The following ATP8B1 variants were observed in gnomAD, a reference collection of about 807,000 sequenced individuals.
The protein encoded by ATP8B1 is ATPase phospholipid transporting 8B1, also known as phospholipid-transporting ATPase IC.
Under a neutral mutation model 149.9 loss-of-function variants are expected in ATP8B1, and 80 were observed. That is an observed-to-expected ratio of 0.53 (90% CI 0.45 to 0.64). The LOEUF (loss-of-function observed/expected upper bound fraction) is 0.64. ATP8B1 is among the 30% of genes least tolerant of loss of function. The probability of loss-of-function intolerance (pLI) is 0.00; values close to 1 mark genes in which losing one functional copy is unlikely to be tolerated. For missense variants in ATP8B1, 1,247 were observed against 1,552.6 expected, an observed-to-expected ratio of 0.80 and a Z score of 3.31; for synonymous variants, 536 against 562.8, an observed-to-expected ratio of 0.95 and a Z score of 0.67.
intron 1 of ATP8B1, among the ~76,000 whole-genome samples, chr18:57,750,524 A>G (rs41391546): frequency 0.032 from 4,842 of 152,294 alleles, 228 homozygotes; most frequent in African/African-American, 0.11. Context: ...ATATTCATCA[A>G]TGAAAAACTG....
At chr18:57,728,635 T>TA (rs2079730941) in intron 2 of ATP8B1, among the ~76,000 whole-genome samples, 1 of 151,962 alleles carries the variant, frequency 6.6e-6, no homozygotes, top group Non-Finnish European at 1.5e-5. Context: ...AGTCATTTGA[T>TA]ATGGGTTTTG....
In ATP8B1 at chr18:57,779,159, C is replaced by CA. The variant is rs550702998; in HGVS notation, c.-26+23838dup. 7.2e-5 allele frequency among the ~76,000 whole-genome samples: 11 copies of CA among 151,970 alleles called. No individual in the cohort carries two copies. In the East Asian group the frequency reaches 2.1e-3, roughly 29 times the overall value. ...GCAACATAGCAAAACCCCATCTCTACAAAAAATGCAAAAATTAGCTGGGCA... is the reference window on the plus strand; with the variant it reads ...GCAACATAGCAAAACCCCATCTCTACAAAAAAATGCAAAAATTAGCTGGGCA... On this transcript the variant is annotated intron_variant, in intron 1 of 27. Coordinates refer to ENST00000648908, the MANE Select transcript of ATP8B1 (RefSeq NM_001374385.1).
chr18:57,766,006 G>T (rs2080208502), intron 1 of ATP8B1, among the ~76,000 whole-genome samples: 1 of 151,732 alleles, frequency 6.6e-6, no homozygotes. Context: ...ATGGTAGATT[G>T]TATGTTGTGT....
intron 15 of ATP8B1, among the ~76,000 whole-genome samples, chr18:57,680,980 C>A (rs1465291761): frequency 6.6e-6 from 1 of 152,164 alleles, no homozygotes; most frequent in Admixed American, 6.5e-5. Context: ...GCTGTACATT[C>A]ACTTTCTCCC....
At position 57,673,254 on chromosome 18, in the gene ATP8B1, T is replaced by C. The variant is rs539844612; in HGVS notation, c.1819+1580A>G. Among the ~76,000 whole-genome samples, 3 of 151,986 alleles carry C rather than the reference T, an allele frequency of 2.0e-5. No individual in the cohort carries two copies. The South Asian group carries it at 6.2e-4, about 32-fold the overall frequency. ...AGATCAAAAAGAGATTGAACCGTCCTTGACTCAGAGTCATGATCACCTAAT... is the reference window on the plus strand; with the variant it reads ...AGATCAAAAAGAGATTGAACCGTCCCTGACTCAGAGTCATGATCACCTAAT... On this transcript the variant is annotated intron_variant, in intron 16 of 27. Transcript: ENST00000648908.
rs187068204 is a variant in ATP8B1 at position 57,760,651 on chromosome 18, C to T, written c.-25-28819G>A. ...AAATGTGGCTATACTATATCCTCCT[C>T]TTTGTTCACCAAGGTAATAAGGAAG... On this transcript the variant is annotated intron_variant, in intron 1 of 27. Coordinates refer to ENST00000648908, the MANE Select transcript of ATP8B1 (RefSeq NM_001374385.1). 1.3e-4 allele frequency among the ~76,000 whole-genome samples: 20 copies of T among 152,344 alleles called. No homozygotes were observed. The East Asian group carries it at 3.5e-3, about 26-fold the overall frequency.
Position 57,802,502 on chromosome 18 carries a change from G to C in ATP8B1, c.-26+496C>G, listed in dbSNP as rs1216066568. 6.6e-6 allele frequency among the ~76,000 whole-genome samples: 1 copy of C among 152,196 alleles called. No individual in the cohort carries two copies. On this transcript the variant is annotated intron_variant, in intron 1 of 27. Transcript: ENST00000648908. The surrounding 1 kb of genome is among the most constrained non-coding windows in gnomAD (Gnocchi z 4.9). ...CCCCCTCCATCCCTCCCGGCAGGTG[G>C]GCCGCGGTCAGATACGTTTGGCCCG...
At position 57,688,590 on chromosome 18, in the gene ATP8B1, G is replaced by A. The variant is rs17759405; in HGVS notation, c.1221-83C>T. ...GAGATTTTATTCTCATTGTACAGAC[G>A]AGAGCAAGCTGCTTATTTACTGCTA... On this transcript the variant is annotated intron_variant, in intron 12 of 27. Coordinates refer to ENST00000648908, the MANE Select transcript of ATP8B1 (RefSeq NM_001374385.1). 0.039 allele frequency: 53,862 copies of A among 1,364,878 alleles called. 4,446 individuals are homozygous for A. Among genetic ancestry groups the A allele is most frequent in the East Asian group, 0.3 (13,012 of 43,272 alleles). The allele number at this position is 1,364,878 out of a possible 1,614,324, so 84.5% of individuals were successfully genotyped here. A position where few individuals can be genotyped will look rare whatever the true frequency, so the allele number is the denominator to read the frequency against.
rs150859386 is a variant in ATP8B1 at position 57,669,258 on chromosome 18, A to C, written c.2097+60T>G. ...TGAGATCAAATATTCAATAAAACTTAATAAAAATTTCAATTCTGCTTAGAA... is the reference window on the plus strand; with the variant it reads ...TGAGATCAAATATTCAATAAAACTTCATAAAAATTTCAATTCTGCTTAGAA... On this transcript the variant is annotated intron_variant, in intron 18 of 27. Coordinates refer to ENST00000648908, the MANE Select transcript of ATP8B1 (RefSeq NM_001374385.1). 1.2e-3 allele frequency: 1,839 copies of C among 1,489,924 alleles called. 1 individual carries two copies. The highest frequency in any genetic ancestry group is 1.6e-3 in the Non-Finnish European group (1,744 of 1,095,962). The allele number at this position is 1,489,924 out of a possible 1,614,324, so 92.3% of individuals were successfully genotyped here.
chr18:57,703,152 T>G lies in ATP8B1; in HGVS notation c.393+1403A>C, dbSNP rs570090743. On this transcript the variant is annotated intron_variant, in intron 4 of 27. Coordinates refer to ENST00000648908, the MANE Select transcript of ATP8B1 (RefSeq NM_001374385.1). Reference sequence around the variant, plus strand: ...ATTTCTCCTTACCATCGTCTCTTCTTTTTCTCTCCTCTCCACGCATCCTCC... The same window carrying G: ...ATTTCTCCTTACCATCGTCTCTTCTGTTTCTCTCCTCTCCACGCATCCTCC... Among the ~76,000 whole-genome samples the G allele has an allele frequency of 2.8e-4, 43 of 152,194 alleles. 1 individual carries two copies. The highest frequency in any genetic ancestry group is 2.7e-3 in the South Asian group (13 of 4,814).
At chr18:57,708,518 A>G (rs1913530259) in intron 2 of ATP8B1, 1 of 152,198 alleles carries the variant, frequency 6.6e-6, no homozygotes, top group Admixed American at 6.5e-5. Context: ...ATTTGGTGGT[A>G]ATTTGCAAAT....
chr18:57,747,110 G>A (rs1599187193), intron 1 of ATP8B1, among the ~76,000 whole-genome samples: 2 of 152,302 alleles, frequency 1.3e-5, no homozygotes, highest in East Asian at 3.9e-4. Context: ...TAAGGACAAT[G>A]GACCTTGAGT....
intron 2 of ATP8B1, among the ~76,000 whole-genome samples, chr18:57,725,997 AG>A (rs2079702787): frequency 6.6e-6 from 1 of 152,212 alleles, no homozygotes. Context: ...TGGGAAGCCA[AG>A]GTGGGTGGAT....
intron 1 of ATP8B1, among the ~76,000 whole-genome samples, chr18:57,733,011 A>G (rs963036502): frequency 6.6e-6 from 1 of 151,876 alleles, no homozygotes; most frequent in African/African-American, 2.4e-5. Flanking sequence ...TCCCAGGAAC[A>G]CTCCCTAGCC....
intron 19 of ATP8B1, 133 bp from the exon 20 acceptor site, chr18:57,667,300 C>T (rs1193672972): frequency 4.2e-6 from 3 of 708,390 alleles, no homozygotes; most frequent in Non-Finnish European, 7.3e-6. Flanking sequence ...TCACTACAGC[C>T]TCAACCTCCA....
At chr18:57,650,525 T>C in intron 26 of ATP8B1, 28 bp from the exon 27 acceptor site, 1 of 1,608,914 alleles carries the variant, frequency 6.2e-7, no homozygotes, top group East Asian at 2.2e-5. Flanking sequence ...AATGCATCAC[T>C]GTGGTTCTTT....
chr18:57,750,375 A>T (rs1386106527), intron 1 of ATP8B1, among the ~76,000 whole-genome samples: 2 of 152,268 alleles, frequency 1.3e-5, no homozygotes, highest in Non-Finnish European at 2.9e-5. Flanking sequence ...CATGGATTTG[A>T]ACTTTACTAT....
At chr18:57,752,296 T>C (rs2080030542) in intron 1 of ATP8B1, among the ~76,000 whole-genome samples, 1 of 151,776 alleles carries the variant, frequency 6.6e-6, no homozygotes, top group South Asian at 2.1e-4. Context: ...ATTTCTCAAG[T>C]GGGGCAGAAT....
At chr18:57,650,699 C>T (rs1281600019) in intron 26 of ATP8B1, among the ~76,000 whole-genome samples, 2 of 151,998 alleles carry the variant, frequency 1.3e-5, no homozygotes, top group African/African-American at 2.4e-5. Context: ...AAAAATCAGC[C>T]GGGCATGGTG....
Sources: gnomAD v4.1 joint callset for allele counts (sites outside exome capture counted in the v4.1 genomes callset) on GRCh38, gnomAD v4.1.1 for gene constraint, Gnocchi (gnomAD v3.1) non-coding constraint, MANE v1.5 for transcripts, NCBI Gene and HGNC (gene_info 2026-07-23, HGNC 2026-07-21) for gene names.